Variants in PPP2R5A observed in about 807,000 individuals in gnomAD.
PPP2R5A encodes the protein serine/threonine-protein phosphatase 2A 56 kDa regulatory subunit alpha isoform.
In PPP2R5A, 25 loss-of-function variants were observed where a neutral mutation model predicts 64.2. That is an observed-to-expected ratio of 0.39 (90% CI 0.28 to 0.54). The LOEUF (loss-of-function observed/expected upper bound fraction) is 0.54, where lower values mean the gene tolerates loss of function less well. Ranked by LOEUF, PPP2R5A falls within the 20% of genes least tolerant of loss-of-function variation. The probability of loss-of-function intolerance (pLI) is 0.67; values close to 1 mark genes in which losing one functional copy is unlikely to be tolerated. For synonymous variants in PPP2R5A, 198 were observed against 201.2 expected, an observed-to-expected ratio of 0.98 and a Z score of 0.13; for missense variants, 425 against 576.3, an observed-to-expected ratio of 0.74 and a Z score of 2.69.
intron 6 of PPP2R5A, 135 bp downstream of exon 6, chr1:212,347,541 T>TA: frequency 4.7e-6 from 3 of 633,170 alleles, no homozygotes; most frequent in Non-Finnish European, 5.2e-6. Context: ...TCAACTGAAG[T>TA]CTTTTTTTTT....
At chr1:212,332,613 T>C (rs1464764563) in intron 2 of PPP2R5A, among the ~76,000 whole-genome samples, 2 of 152,170 alleles carry the variant, frequency 1.3e-5, no homozygotes, top group Non-Finnish European at 2.9e-5. Context: ...TACAGTAAAT[T>C]AAATCATCAA....
intron 4 of PPP2R5A, among the ~76,000 whole-genome samples, chr1:212,344,815 T>C (rs549659653): frequency 1.2e-3 from 189 of 152,272 alleles, no homozygotes; most frequent in African/African-American, 4.4e-3. Flanking sequence ...AATTGAGGTA[T>C]AGGAGAGTGC....
At chr1:212,328,651 CAGG>C (rs879258425) in intron 1 of PPP2R5A, among the ~76,000 whole-genome samples, 1 of 152,056 alleles carries the variant, frequency 6.6e-6, no homozygotes, top group African/African-American at 2.4e-5. Flanking sequence ...GAGGGTAAGT[CAGG>C]AGTGGTAATG....
chr1:212,348,723 CATATT>C (rs1029127231), intron 7 of PPP2R5A, among the ~76,000 whole-genome samples: 1 of 152,214 alleles, frequency 6.6e-6, no homozygotes, highest in African/African-American at 2.4e-5. Flanking sequence ...ACACTTTCCT[CATATT>C]ATAGTCCAGG....
Position 212,345,178 on chromosome 1 carries a change from A to C in PPP2R5A, c.574-625A>C, listed in dbSNP as rs556415601. ...AGACTGTCTTAAAAAAAAAAAAAAA[A>C]AAATTTGGCCTCATCTTTTAGTCCA... On this transcript the variant is annotated intron_variant, in intron 4 of 12. Coordinates refer to ENST00000261461, the MANE Select transcript of PPP2R5A (RefSeq NM_006243.4). Among the ~76,000 whole-genome samples, 6 of 152,026 alleles carry C rather than the reference A, an allele frequency of 3.9e-5. No individual in the cohort carries two copies. In the South Asian group the frequency reaches 8.3e-4, roughly 21 times the overall value.
chr1:212,289,630 G>C (rs1208250617), intron 1 of PPP2R5A, among the ~76,000 whole-genome samples: 2 of 152,072 alleles, frequency 1.3e-5, no homozygotes, highest in African/African-American at 4.8e-5. Flanking sequence ...TTCCTTATCT[G>C]TAAAATGGGG....
At chr1:212,352,682 C>T (rs556093882) in intron 8 of PPP2R5A, 5 of 436,406 alleles carry the variant, frequency 1.1e-5, no homozygotes, top group South Asian at 8.1e-5. Flanking sequence ...GTATTGATCT[C>T]TTGGGCCCAA....
At chr1:212,347,232 T>C in intron 5 of PPP2R5A, 115 bp from the exon 6 acceptor site, 1 of 733,496 alleles carries the variant, frequency 1.4e-6, no homozygotes. Flanking sequence ...ACCCAAAACA[T>C]GCTTGTGTGT....
chr1:212,352,060 C>A (rs1375183949), intron 8 of PPP2R5A, among the ~76,000 whole-genome samples: 1 of 150,654 alleles, frequency 6.6e-6, no homozygotes, highest in Non-Finnish European at 1.5e-5. Flanking sequence ...CACTCTGTTG[C>A]CCAGGCTGGA....
chr1:212,286,080 G>C lies in PPP2R5A; in HGVS notation c.-31G>C. The C allele has an allele frequency of 6.6e-7, 1 of 1,517,454 alleles. No individual in the cohort carries two copies. Among genetic ancestry groups the C allele is most frequent in the Non-Finnish European group, 8.8e-7 (1 of 1,136,428 alleles). The allele number at this position is 1,517,454 out of a possible 1,614,324, so 94.0% of individuals were successfully genotyped here. ...CGCTGCCCGTGCCTTGCAAGCAGCA[G>C]CCGGAGCTGCCAAGCGTCAGGGCCG... On this transcript the variant is annotated 5_prime_UTR_variant, in exon 1 of 13. Coordinates refer to ENST00000261461, the MANE Select transcript of PPP2R5A (RefSeq NM_006243.4).
intron 1 of PPP2R5A, among the ~76,000 whole-genome samples, chr1:212,312,133 A>G (rs910290439): frequency 2.6e-5 from 4 of 152,150 alleles, no homozygotes; most frequent in Admixed American, 1.3e-4. Context: ...GCACCTTTCT[A>G]TATTTGGATA....
intron 1 of PPP2R5A, chr1:212,309,181 A>C: frequency 1.5e-6 from 2 of 1,342,210 alleles, no homozygotes; most frequent in Admixed American, 1.7e-5. Flanking sequence ...GAGCTTCTTC[A>C]CAGCCTGTTT....
intron 1 of PPP2R5A, among the ~76,000 whole-genome samples, chr1:212,323,005 C>T (rs911008895): frequency 1.1e-4 from 17 of 152,166 alleles, no homozygotes; most frequent in Non-Finnish European, 1.9e-4. Context: ...CCAGGATGGT[C>T]TCGATCTCCT....
intron 1 of PPP2R5A, among the ~76,000 whole-genome samples, chr1:212,307,354 A>G (rs1293312320): frequency 6.6e-6 from 1 of 151,410 alleles, no homozygotes; most frequent in Non-Finnish European, 1.5e-5. Flanking sequence ...TTCTAGTGAG[A>G]TGTAGAATCA....
At chr1:212,353,887 T>A (rs1023065904) in intron 8 of PPP2R5A, among the ~76,000 whole-genome samples, 7 of 152,134 alleles carry the variant, frequency 4.6e-5, no homozygotes, top group Non-Finnish European at 8.8e-5. Context: ...GACATTTCGT[T>A]TAATAACAGG....
At chr1:212,317,602 T>C (rs1199830292) in intron 1 of PPP2R5A, among the ~76,000 whole-genome samples, 1 of 152,200 alleles carries the variant, frequency 6.6e-6, no homozygotes, top group East Asian at 1.9e-4. Flanking sequence ...TTTTAAACTC[T>C]TGATTGTGAC....
chr1:212,310,391 C>T lies in PPP2R5A; in HGVS notation c.182-18744C>T, dbSNP rs1659006958. Reference sequence around the variant, plus strand: ...CCCCATTATCTTTCACCAAAACCTCCACTGTTTTTAAGAGTACCCTTAGGC... The same window carrying T: ...CCCCATTATCTTTCACCAAAACCTCTACTGTTTTTAAGAGTACCCTTAGGC... On this transcript the variant is annotated intron_variant, in intron 1 of 12. Transcript: ENST00000261461. Among the ~76,000 whole-genome samples, 3 of 152,038 alleles carry T rather than the reference C, an allele frequency of 2.0e-5. 1 individual carries two copies. In the South Asian group the frequency reaches 6.2e-4, roughly 32 times the overall value.
intron 1 of PPP2R5A, chr1:212,313,910 G>A (rs1011729338): frequency 6.6e-6 from 1 of 152,032 alleles, no homozygotes; most frequent in Non-Finnish European, 1.5e-5. Flanking sequence ...CAACTCTAAT[G>A]GTTCCACCAA....
chr1:212,286,256 G>T lies in PPP2R5A; in HGVS notation c.146G>T (p.Ser49Ile). ...TCGTCGCAGTTTCGCAGCCAGGGCAGCCAGGCAGAGCTGCACCCGCTGCCC... is the reference window on the plus strand; with the variant it reads ...TCGTCGCAGTTTCGCAGCCAGGGCATCCAGGCAGAGCTGCACCCGCTGCCC... ...QGSSQFRSQG[S>I]QAELHPLPQL... Residue 49 changes from serine (S) to isoleucine (I), a missense_variant, in exon 1 of 13, where the codon AGC (serine) becomes ATC (isoleucine). By Grantham distance (142) the Ser-to-Ile change is moderately radical. Around this residue, in one of 4 missense-constraint regions of PPP2R5A, gnomAD observed 104 missense variants for 95.7 expected, o/e 1.09. Transcript: ENST00000261461. 1 of 1,542,176 alleles carries T rather than the reference G, an allele frequency of 6.5e-7. No homozygotes were observed. Among genetic ancestry groups the T allele is most frequent in the Admixed American group, 1.9e-5 (1 of 51,540 alleles).
Sources: allele counts gnomAD v4.1 joint callset (sites outside exome capture counted in the v4.1 genomes callset), GRCh38; gene constraint gnomAD v4.1.1; regional missense constraint gnomAD v4.1.1; transcripts MANE v1.5; gene names NCBI Gene and HGNC (gene_info 2026-07-23, HGNC 2026-07-21).